Variants in CNTN6 observed in about 807,000 individuals in gnomAD.
CNTN6 encodes contactin 6, also known as contactin-6.
A neutral mutation model predicts 122.8 loss-of-function variants in CNTN6; 137 were observed. That is an observed-to-expected ratio of 1.12 (90% CI 0.97 to 1.29). CNTN6 has a LOEUF of 1.29. Ranked by LOEUF, CNTN6 falls within the 50% of genes most tolerant of loss-of-function variation. The pLI, the probability that CNTN6 is intolerant of heterozygous loss-of-function variation, is 0.00. For missense variants in CNTN6, 1,634 were observed against 1,223.4 expected (o/e 1.34, Z -5.01); for synonymous variants, 570 against 426.0 (o/e 1.34, Z -4.16).
chr3:1,212,253 T>TG, intron 2 of CNTN6, among the ~76,000 whole-genome samples: 1 of 55,826 alleles, frequency 1.8e-5, no homozygotes, highest in East Asian at 9.8e-4. Flanking sequence ...ATAAAACTTG[T>TG]TTTTTTTTTT....
At chr3:1,237,200 A>T (rs1373460798) in intron 4 of CNTN6, among the ~76,000 whole-genome samples, 1 of 152,110 alleles carries the variant, frequency 6.6e-6, no homozygotes, top group African/African-American at 2.4e-5. Flanking sequence ...AATAAAAAAC[A>T]ATCACAAGTT....
At chr3:1,187,219 GC>G (rs1209903162) in intron 2 of CNTN6, among the ~76,000 whole-genome samples, 1 of 151,914 alleles carries the variant, frequency 6.6e-6, no homozygotes, top group East Asian at 1.9e-4. Context: ...AAAAAAAACT[GC>G]CTGATGCGTA....
intron 1 of CNTN6, among the ~76,000 whole-genome samples, chr3:1,116,851 C>A (rs754114027): frequency 3.9e-5 from 6 of 151,956 alleles, no homozygotes; most frequent in Non-Finnish European, 5.9e-5. Context: ...ATTACAGGCG[C>A]CTGCCACCAC....
At position 1,254,164 on chromosome 3, in the gene CNTN6, A is replaced by T. The variant is rs192664999; in HGVS notation, c.359-24249A>T. Reference sequence around the variant, plus strand: ...TTTTTTAAAGACATAAAATATACCAATACTGCCAATTTTCATCTCGTGCTT... The same window carrying T: ...TTTTTTAAAGACATAAAATATACCATTACTGCCAATTTTCATCTCGTGCTT... On this transcript the variant is annotated intron_variant, in intron 4 of 22. Coordinates refer to ENST00000446702, the MANE Select transcript of CNTN6 (RefSeq NM_001289080.2). Among the ~76,000 whole-genome samples the T allele has an allele frequency of 1.6e-4, 24 of 152,244 alleles. 1 individual carries two copies. The highest frequency in any genetic ancestry group is 1.4e-3 in the Admixed American group (22 of 15,284).
chr3:1,256,782 A>G (rs757953545), intron 4 of CNTN6, among the ~76,000 whole-genome samples: 1 of 152,178 alleles, frequency 6.6e-6, no homozygotes, highest in East Asian at 1.9e-4. Flanking sequence ...TACCATAATT[A>G]TTCTAAATAA....
At chr3:1,165,107 T>C (rs2093216815) in intron 2 of CNTN6, among the ~76,000 whole-genome samples, 1 of 152,194 alleles carries the variant, frequency 6.6e-6, no homozygotes, top group Non-Finnish European at 1.5e-5. Flanking sequence ...CATGACATTA[T>C]TAGAGGGTCA....
At chr3:1,129,605 T>C (rs918808049) in intron 1 of CNTN6, among the ~76,000 whole-genome samples, 1 of 152,078 alleles carries the variant, frequency 6.6e-6, no homozygotes, top group African/African-American at 2.4e-5. Context: ...TAAACATAAA[T>C]ATGAATGTGC....
At chr3:1,124,028 G>T (rs2092063040) in intron 1 of CNTN6, among the ~76,000 whole-genome samples, 1 of 151,736 alleles carries the variant, frequency 6.6e-6, no homozygotes, top group African/African-American at 2.4e-5. Flanking sequence ...TACATTCCTG[G>T]GACAAATCCC....
intron 19 of CNTN6, among the ~76,000 whole-genome samples, chr3:1,383,793 C>T (rs1307079898): frequency 6.6e-6 from 1 of 152,196 alleles, no homozygotes; most frequent in Non-Finnish European, 1.5e-5. Context: ...TATTTATACC[C>T]ACTTCTAATT....
intron 12 of CNTN6, among the ~76,000 whole-genome samples, chr3:1,354,681 T>C (rs1253779576): frequency 6.6e-6 from 1 of 151,622 alleles, no homozygotes; most frequent in Non-Finnish European, 1.5e-5. Flanking sequence ...TAAATATTTA[T>C]TGATTTAATA....
At chr3:1,270,910 T>G (rs2095014540) in intron 4 of CNTN6, among the ~76,000 whole-genome samples, 1 of 152,100 alleles carries the variant, frequency 6.6e-6, no homozygotes, top group African/African-American at 2.4e-5. Context: ...GTTTGTTTGT[T>G]CTTGCTTTTT....
chr3:1,181,712 G>T (rs1470978822), intron 2 of CNTN6, among the ~76,000 whole-genome samples: 1 of 152,102 alleles, frequency 6.6e-6, no homozygotes, highest in Non-Finnish European at 1.5e-5. Flanking sequence ...CTTGTGACTG[G>T]TTTGTGTGTT....
At chr3:1,099,188 A>C (rs1026287246) in intron 1 of CNTN6, among the ~76,000 whole-genome samples, 4 of 152,250 alleles carry the variant, frequency 2.6e-5, no homozygotes, top group South Asian at 2.1e-4. Context: ...TCAGTGGCTC[A>C]CGCCTGTAAT....
chr3:1,126,185 G>A (rs994879080), intron 1 of CNTN6, among the ~76,000 whole-genome samples: 1 of 151,810 alleles, frequency 6.6e-6, no homozygotes, highest in Admixed American at 6.6e-5. Context: ...TTCCTTGAAG[G>A]CTTTCTAAGC....
intron 2 of CNTN6, among the ~76,000 whole-genome samples, chr3:1,164,416 C>T (rs1002415506): frequency 8.5e-5 from 13 of 152,252 alleles, no homozygotes; most frequent in Admixed American, 7.2e-4. Flanking sequence ...CTTACAATTA[C>T]ATAAGGTCTT....
chr3:1,127,836 T>G (rs931832357), intron 1 of CNTN6, among the ~76,000 whole-genome samples: 2 of 151,964 alleles, frequency 1.3e-5, no homozygotes, highest in African/African-American at 4.8e-5. Context: ...TATTTTCTAA[T>G]ATCTGATACA....
chr3:1,189,021 T>C (rs149420514), intron 2 of CNTN6, among the ~76,000 whole-genome samples: 152 of 152,212 alleles, frequency 1.0e-3, no homozygotes, highest in African/African-American at 3.5e-3. Context: ...TGAAAAGAGA[T>C]TGAAAAAGGC....
intron 20 of CNTN6, among the ~76,000 whole-genome samples, chr3:1,387,325 A>G (rs1038483066): frequency 1.3e-5 from 2 of 152,218 alleles, no homozygotes; most frequent in East Asian, 1.9e-4. Context: ...ATTAGTTAAC[A>G]ATGAAGTTCT....
At chr3:1,384,677 TATATATATATACAC>T (rs756499790) in intron 19 of CNTN6, among the ~76,000 whole-genome samples, 3 of 129,228 alleles carry the variant, frequency 2.3e-5, no homozygotes, top group African/African-American at 9.5e-5. Flanking sequence ...TATATATATA[TATATATATATACAC>T]ACACACACAC....
Sources: allele counts gnomAD v4.1 joint callset (sites outside exome capture counted in the v4.1 genomes callset), GRCh38; gene constraint gnomAD v4.1.1; transcripts MANE v1.5; gene names NCBI Gene and HGNC (gene_info 2026-07-23, HGNC 2026-07-21).